RBFOX1: variants seen among roughly 807,000 people sequenced by gnomAD.
The protein encoded by RBFOX1 is RNA binding fox-1 homolog 1.
Under a neutral mutation model 57.7 loss-of-function variants are expected in RBFOX1, and 8 were observed. The observed-to-expected ratio is 0.14, with a 90% CI of 0.08 to 0.25. The LOEUF is 0.25. Among genes scored for constraint, RBFOX1 ranks in the 10% least tolerant of loss-of-function variants. The pLI, the probability that RBFOX1 is intolerant of heterozygous loss-of-function variation, is 1.00. For missense variants in RBFOX1, 611 were observed against 548.5 expected (o/e 1.11, Z -1.14); for synonymous variants, 326 against 222.4 (o/e 1.47, Z -4.15).
At chr16:6,172,065 C>T (rs893105320) in intron 1 of RBFOX1, among the ~76,000 whole-genome samples, 3 of 152,092 alleles carry the variant, frequency 2.0e-5, no homozygotes, top group Non-Finnish European at 4.4e-5. Flanking sequence ...TCATGATATG[C>T]CTGCCTCTGC....
intron 3 of RBFOX1, among the ~76,000 whole-genome samples, chr16:5,704,265 A>T (rs1489106800): frequency 6.6e-6 from 1 of 152,216 alleles, no homozygotes; most frequent in Admixed American, 6.5e-5. Flanking sequence ...TTATGCAAAG[A>T]GAAGCCCCAG....
intron 4 of RBFOX1, among the ~76,000 whole-genome samples, chr16:7,210,825 A>C (rs968416956): frequency 6.6e-6 from 1 of 152,170 alleles, no homozygotes; most frequent in South Asian, 2.1e-4. Context: ...TAGAGATCCA[A>C]TGTACAGTAT....
At chr16:6,648,502 T>G (rs1426388312) in intron 2 of RBFOX1, among the ~76,000 whole-genome samples, 1 of 152,166 alleles carries the variant, frequency 6.6e-6, no homozygotes, top group African/African-American at 2.4e-5. Context: ...AAGAGTCTAG[T>G]GCCGTGAGTC....
chr16:5,502,799 G>T (rs553446452), intron 2 of RBFOX1, among the ~76,000 whole-genome samples: 1 of 152,118 alleles, frequency 6.6e-6, no homozygotes, highest in Non-Finnish European at 1.5e-5. Context: ...ACCATCTCCC[G>T]TCAGTTCCAG....
At position 6,610,794 on chromosome 16, in the gene RBFOX1, C is replaced by G. The variant is rs1339860635; in HGVS notation, c.-63-43809C>G. ...AAAATGTCTGTGACTTTCACATCCC[C>G]TGCTTTGAGAAGTAGAAATAAAAAT... On this transcript the variant is annotated intron_variant, in intron 2 of 15. Transcript: ENST00000550418. 2.0e-5 allele frequency among the ~76,000 whole-genome samples: 3 copies of G among 152,178 alleles called. No individual in the cohort carries two copies. In the East Asian group the frequency reaches 5.8e-4, roughly 29 times the overall value.
chr16:6,048,601 C>T (rs570888216), intron 1 of RBFOX1, among the ~76,000 whole-genome samples: 2 of 152,210 alleles, frequency 1.3e-5, no homozygotes, highest in South Asian at 4.2e-4. Context: ...TCAATAAATT[C>T]CCTGCAGAAA....
intron 3 of RBFOX1, among the ~76,000 whole-genome samples, chr16:5,617,443 G>C (rs908008808): frequency 6.6e-6 from 1 of 152,220 alleles, no homozygotes; most frequent in Non-Finnish European, 1.5e-5. Flanking sequence ...AACCCCAGAA[G>C]CTGTTTCTGT....
At chr16:7,452,939 G>T (rs1055311999) in intron 4 of RBFOX1, among the ~76,000 whole-genome samples, 1 of 151,998 alleles carries the variant, frequency 6.6e-6, no homozygotes, top group African/African-American at 2.4e-5. Flanking sequence ...GAACAGCCTG[G>T]CCAACATGGT....
intron 3 of RBFOX1, among the ~76,000 whole-genome samples, chr16:6,769,630 A>G (rs964247199): frequency 6.6e-6 from 1 of 152,178 alleles, no homozygotes; most frequent in Non-Finnish European, 1.5e-5. Context: ...CCAAATGATG[A>G]CTGTTGGCTC....
At chr16:6,619,227 C>G (rs973320707) in intron 2 of RBFOX1, among the ~76,000 whole-genome samples, 7 of 151,816 alleles carry the variant, frequency 4.6e-5, no homozygotes, top group African/African-American at 9.7e-5. Flanking sequence ...AACAGTGAGG[C>G]AGCTGGGCTA....
chr16:6,477,683 C>G (rs193294063), intron 2 of RBFOX1, among the ~76,000 whole-genome samples: 1 of 152,182 alleles, frequency 6.6e-6, no homozygotes, highest in South Asian at 2.1e-4. Context: ...CTAATAAGAG[C>G]GTCAGCTTGT....
At chr16:7,049,256 G>A (rs1381025337) in intron 3 of RBFOX1, among the ~76,000 whole-genome samples, 1 of 151,998 alleles carries the variant, frequency 6.6e-6, no homozygotes, top group Non-Finnish European at 1.5e-5. Flanking sequence ...TCTGCATTTA[G>A]GGCAAAGTGT....
intron 3 of RBFOX1, among the ~76,000 whole-genome samples, chr16:7,040,316 G>A (rs1385640488): frequency 6.6e-6 from 1 of 152,090 alleles, no homozygotes; most frequent in African/African-American, 2.4e-5. Context: ...ACCGTGCCCG[G>A]CTGAGTTATT....
At chr16:5,642,747 T>C (rs2048923011) in intron 3 of RBFOX1, among the ~76,000 whole-genome samples, 1 of 152,070 alleles carries the variant, frequency 6.6e-6, no homozygotes, top group African/African-American at 2.4e-5. Context: ...GGGCCTCTCT[T>C]CCTTGCCACA....
intron 3 of RBFOX1, among the ~76,000 whole-genome samples, chr16:5,703,116 G>A (rs899283024): frequency 1.1e-4 from 16 of 152,246 alleles, no homozygotes; most frequent in Non-Finnish European, 2.1e-4. Context: ...TGCCCACATG[G>A]CATTTACAGT....
chr16:6,620,943 C>G (rs968895439), intron 2 of RBFOX1, among the ~76,000 whole-genome samples: 2 of 152,220 alleles, frequency 1.3e-5, no homozygotes, highest in African/African-American at 4.8e-5. Context: ...ATTTTATTCT[C>G]TCACAATTTG....
At chr16:7,330,645 G>A (rs893729146) in intron 4 of RBFOX1, among the ~76,000 whole-genome samples, 1 of 151,944 alleles carries the variant, frequency 6.6e-6, no homozygotes, top group African/African-American at 2.4e-5. Flanking sequence ...TAAGAGTAAG[G>A]GGATATAGTT....
intron 3 of RBFOX1, among the ~76,000 whole-genome samples, chr16:7,050,224 C>G (rs960486236): frequency 2.1e-5 from 3 of 142,906 alleles, no homozygotes; most frequent in Admixed American, 7.0e-5. Flanking sequence ...TTCTCCCAGT[C>G]TTTTCCTCTT....
intron 3 of RBFOX1, among the ~76,000 whole-genome samples, chr16:6,993,258 T>A (rs1005311138): frequency 6.6e-6 from 1 of 152,212 alleles, no homozygotes; most frequent in Non-Finnish European, 1.5e-5. Flanking sequence ...GCACACACCT[T>A]CCTGGGAGTC....
Sources: gnomAD v4.1 joint callset for allele counts (sites outside exome capture counted in the v4.1 genomes callset) on GRCh38, gnomAD v4.1.1 for gene constraint, MANE v1.5 for transcripts, NCBI Gene and HGNC (gene_info 2026-07-23, HGNC 2026-07-21) for gene names.